Variants in PTPN14 observed in about 807,000 individuals in gnomAD.
The protein encoded by PTPN14 is protein tyrosine phosphatase non-receptor type 14, also known as tyrosine-protein phosphatase non-receptor type 14.
A neutral mutation model predicts 126.8 loss-of-function variants in PTPN14; 53 were observed. The observed-to-expected ratio is 0.42, with a 90% confidence interval of 0.34 to 0.53. PTPN14 has a LOEUF of 0.53. Ranked by LOEUF, PTPN14 falls within the 20% of genes least tolerant of loss-of-function variation. PTPN14 has a pLI of 0.08. For synonymous variants in PTPN14, 630 were observed against 599.3 expected, an observed-to-expected ratio of 1.05 and a Z score of -0.75; for missense variants, 1,257 against 1,552.9, an observed-to-expected ratio of 0.81 and a Z score of 3.20.
At chr1:214,411,309 A>T (rs1228535374) in intron 5 of PTPN14, among the ~76,000 whole-genome samples, 2 of 152,198 alleles carry the variant, frequency 1.3e-5, no homozygotes, top group African/African-American at 4.8e-5. Context: ...CAAATGGGAA[A>T]GGAAGAAGTA....
Position 214,383,981 on chromosome 1 carries a change from C to T in PTPN14, c.1874G>A (p.Ser625Asn). Residue 625 changes from serine to asparagine, a missense_variant, in exon 13 of 19, where the codon AGC (serine) becomes AAC (asparagine). Physicochemically the swap from Ser to Asn is conservative, Grantham distance 46. This residue lies in a region of PTPN14 where 1,021 missense variants were observed against 1,183.3 expected (regional missense o/e 0.86). Coordinates refer to ENST00000366956, the MANE Select transcript of PTPN14 (RefSeq NM_005401.5). This position sits in a 1 kb window ranked among gnomAD's most constrained non-coding sequence, Gnocchi z 4.4. ...GTGCTTGGTGGCCGTGAGGGGCTCG[C>T]TCACCTCCTGGAGAGACTGATGAAC... Reference protein sequence around the residue: ...PVVHQSLQEVSEPLTATKHHG... With the variant: ...PVVHQSLQEVNEPLTATKHHG... 1.2e-6 allele frequency: 2 copies of T among 1,610,938 alleles called. No homozygotes were observed. The highest frequency in any genetic ancestry group is 1.7e-6 in the Non-Finnish European group (2 of 1,179,998).
chr1:214,520,932 T>C (rs1655239594), intron 1 of PTPN14, among the ~76,000 whole-genome samples: 1 of 152,098 alleles, frequency 6.6e-6, no homozygotes, highest in Non-Finnish European at 1.5e-5. Flanking sequence ...AGTGTCTCTT[T>C]AAAGAAGCTA....
Position 214,429,721 on chromosome 1 carries a change from G to A in PTPN14, c.345-14995C>T, listed in dbSNP as rs578223423. Among the ~76,000 whole-genome samples the A allele has an allele frequency of 2.0e-5, 3 of 152,228 alleles. No homozygotes were observed. The South Asian group carries it at 6.2e-4, about 32-fold the overall frequency. On this transcript the variant is annotated intron_variant, in intron 3 of 18. Coordinates refer to ENST00000366956, the MANE Select transcript of PTPN14 (RefSeq NM_005401.5). ...ATTTTGCCCAAAATGGGCTGTCCAA[G>A]CCAACTAGAATATTAATTATGTAAA...
In PTPN14 at chr1:214,372,778, C is replaced by T. The variant is rs1571956325; in HGVS notation, c.2969G>A (p.Cys990Tyr). 3 of 1,614,172 alleles carry T rather than the reference C, an allele frequency of 1.9e-6. No individual in the cohort carries two copies. The highest frequency in any genetic ancestry group is 2.5e-6 in the Non-Finnish European group (3 of 1,180,024). ...CCACACCATCTGCCAGAAGTCGTGGCACGTGTGTGGCAGGGGCCCCTGGGT... is the reference window on the plus strand; with the variant it reads ...CCACACCATCTGCCAGAAGTCGTGGTACGTGTGTGGCAGGGGCCCCTGGGT... ...IATQGPLPHT[C>Y]HDFWQMVWEQ... The change falls in exon 16 of 19, where the codon TGC becomes TAC. Residue 990 changes from cysteine to tyrosine, a missense_variant. Transcript: ENST00000366956.
chr1:214,368,992 T>G (rs916779833), intron 17 of PTPN14, among the ~76,000 whole-genome samples: 1 of 152,050 alleles, frequency 6.6e-6, no homozygotes, highest in African/African-American at 2.4e-5. Context: ...AGAAAAAAAT[T>G]TGTAATTTCC....
intron 1 of PTPN14, among the ~76,000 whole-genome samples, chr1:214,535,561 T>C (rs1655683478): frequency 6.6e-6 from 1 of 152,174 alleles, no homozygotes; most frequent in South Asian, 2.1e-4. Context: ...GCAGATCACC[T>C]GATGTCAGAA....
chr1:214,400,240 AC>A (rs1658983924), intron 7 of PTPN14, among the ~76,000 whole-genome samples: 1 of 152,196 alleles, frequency 6.6e-6, no homozygotes, highest in Admixed American at 6.5e-5. Context: ...TGCAGAGCTG[AC>A]CACATTACCA....
intron 15 of PTPN14, among the ~76,000 whole-genome samples, chr1:214,375,708 A>G (rs1658327888): frequency 6.6e-6 from 1 of 152,230 alleles, no homozygotes; most frequent in South Asian, 2.1e-4. Flanking sequence ...TATTAACCAC[A>G]CTTTTATAGT....
intron 15 of PTPN14, among the ~76,000 whole-genome samples, chr1:214,373,972 A>T (rs1658281491): frequency 6.6e-6 from 1 of 152,222 alleles, no homozygotes; most frequent in South Asian, 2.1e-4. Context: ...TCAGGGGAAG[A>T]TAATTCTACA....
chr1:214,355,254 T>C lies in PTPN14; in HGVS notation c.*2668A>G, dbSNP rs1657791010. The C allele has an allele frequency of 6.6e-6, 1 of 152,210 alleles. No individual in the cohort carries two copies. The highest frequency in any genetic ancestry group is 6.5e-5 in the Admixed American group (1 of 15,278). 9.4% of individuals were successfully genotyped at this position (152,210 alleles called of 1,614,324 possible). On this transcript the variant is annotated 3_prime_UTR_variant, in exon 19 of 19. Coordinates refer to ENST00000366956, the MANE Select transcript of PTPN14 (RefSeq NM_005401.5). ...AGTGGATGAATTTCAGGGAAGCCCA[T>C]GAGCTCTGACGACCTCAAAGACGCA...
intron 1 of PTPN14, among the ~76,000 whole-genome samples, chr1:214,521,778 A>G (rs1655262699): frequency 6.6e-6 from 1 of 152,100 alleles, no homozygotes; most frequent in Admixed American, 6.6e-5. Context: ...AATAAGAAAA[A>G]CAACTAAAGG....
chr1:214,419,913 G>A (rs1659506545), intron 3 of PTPN14, among the ~76,000 whole-genome samples: 2 of 152,122 alleles, frequency 1.3e-5, no homozygotes, highest in South Asian at 2.1e-4. Flanking sequence ...ATGCAGGCAT[G>A]CAACCAGATA....
At chr1:214,465,035 G>A (rs1053914093) in intron 1 of PTPN14, 78 bp from the exon 2 acceptor site, 1 of 279,378 alleles carries the variant, frequency 3.6e-6, no homozygotes. Context: ...ACACACAGAA[G>A]CCCCCCCCCC....
chr1:214,544,762 G>GAAAA (rs1397561076), intron 1 of PTPN14, among the ~76,000 whole-genome samples: 1 of 143,782 alleles, frequency 7.0e-6, no homozygotes, highest in South Asian at 2.2e-4. Flanking sequence ...AAACGAGAAA[G>GAAAA]AAAAAAAAGA....
intron 13 of PTPN14, among the ~76,000 whole-genome samples, chr1:214,382,585 G>A (rs1558077191): frequency 6.6e-6 from 1 of 152,128 alleles, no homozygotes; most frequent in Non-Finnish European, 1.5e-5. Flanking sequence ...TCCTACCTCA[G>A]CCTCCCAAGT....
At chr1:214,421,736 G>A (rs1659548689) in intron 3 of PTPN14, among the ~76,000 whole-genome samples, 1 of 152,002 alleles carries the variant, frequency 6.6e-6, no homozygotes, top group South Asian at 2.1e-4. Context: ...TACCTGAGCT[G>A]TCGTAAGTGT....
At chr1:214,517,343 G>A (rs1448842656) in intron 1 of PTPN14, among the ~76,000 whole-genome samples, 1 of 151,922 alleles carries the variant, frequency 6.6e-6, no homozygotes, top group Non-Finnish European at 1.5e-5. Context: ...ATCCTAAATG[G>A]AGAAGGGAAA....
At chr1:214,473,162 T>C (rs1660798505) in intron 1 of PTPN14, among the ~76,000 whole-genome samples, 1 of 152,130 alleles carries the variant, frequency 6.6e-6, no homozygotes, top group South Asian at 2.1e-4. Flanking sequence ...AATTTCAAAG[T>C]TAAAAACACA....
Position 214,454,512 on chromosome 1 carries a change from T to C in PTPN14, c.175-2538A>G, listed in dbSNP as rs139021569. Among the ~76,000 whole-genome samples the C allele has an allele frequency of 5.5e-3, 831 of 152,218 alleles. 30 individuals carry two copies. The highest frequency in any genetic ancestry group is 0.051 in the Admixed American group (783 of 15,286). ...CAGAGAAAGAATATTCCATGGAATA[T>C]ATACACACGAACATGTATGTGCACA... On this transcript the variant is annotated intron_variant, in intron 2 of 18. Transcript: ENST00000366956.
Sources: allele counts gnomAD v4.1 joint callset (sites outside exome capture counted in the v4.1 genomes callset), GRCh38; gene constraint gnomAD v4.1.1; regional missense constraint gnomAD v4.1.1; non-coding constraint Gnocchi (gnomAD v3.1); transcripts MANE v1.5; gene names NCBI Gene and HGNC (gene_info 2026-07-23, HGNC 2026-07-21).